BRD1: variants seen among roughly 807,000 people sequenced by gnomAD.
The protein encoded by BRD1 is bromodomain containing 1.
In BRD1, 24 loss-of-function variants were observed where a neutral mutation model predicts 107.7. The observed-to-expected ratio is 0.22, with a 90% CI of 0.16 to 0.31. The LOEUF (loss-of-function observed/expected upper bound fraction) is 0.31, where lower values mean the gene tolerates loss of function less well. BRD1 is among the 10% of genes least tolerant of loss of function. BRD1 has a pLI of 1.00. For missense variants in BRD1, 1,279 were observed against 1,638.6 expected, an observed-to-expected ratio of 0.78 and a Z score of 3.79; for synonymous variants, 744 against 686.1, an observed-to-expected ratio of 1.08 and a Z score of -1.32.
chr22:49,787,299 ACCCCC>A (rs138839), intron 8 of BRD1, 86 bp downstream of exon 8: 6 of 544,636 alleles, frequency 1.1e-5, no homozygotes, highest in Admixed American at 3.9e-5. Context: ...GAAGCTGGAC[ACCCCC>A]CCCCCCCCGT....
In BRD1 at chr22:49,797,940, G is replaced by C. The variant is rs776442812; in HGVS notation, c.1963C>G (p.Leu655Val). The C allele has an allele frequency of 2.5e-6, 4 of 1,614,078 alleles. No homozygotes were observed. Among genetic ancestry groups the C allele is most frequent in the Admixed American group, 1.7e-5 (1 of 60,006 alleles). The change falls in exon 6 of 13, where the codon CTG (leucine) becomes GTG (valine). Residue 655 changes from leucine to valine, a missense_variant. Leu to Val is a conservative substitution (Grantham distance 32). Coordinates refer to ENST00000404760, the MANE Select transcript of BRD1 (RefSeq NM_001304808.3). Reference sequence around the variant, plus strand: ...AGAACAACACCTCCCTGATCGCGCAGCCTCACCGCGGCTCTATAGAACACG... The same window carrying C: ...AGAACAACACCTCCCTGATCGCGCACCCTCACCGCGGCTCTATAGAACACG... ...DTVFYRAAVRLRDQGGVVLRQ... is the reference protein window; with the variant it reads ...DTVFYRAAVRVRDQGGVVLRQ...
chr22:49,818,711 C>A (rs537498976), intron 2 of BRD1, among the ~76,000 whole-genome samples: 2 of 152,210 alleles, frequency 1.3e-5, no homozygotes, highest in African/African-American at 4.8e-5. Context: ...CATGGTGAAA[C>A]CCCGTCTCTA....
chr22:49,827,833 G>A lies in BRD1; in HGVS notation c.-351C>T, dbSNP rs1203712240. 3.4e-5 allele frequency among the ~76,000 whole-genome samples: 5 copies of A among 146,106 alleles called. No homozygotes were observed. Among genetic ancestry groups the A allele is most frequent in the African/African-American group, 1.2e-4 (5 of 40,726 alleles). On this transcript the variant is annotated 5_prime_UTR_variant, in exon 1 of 13. Transcript: ENST00000404760. ...GACGCGGGGCTGGCTCGGACTCCAGGGCCGGGTCGCTCGCTCGCTCCCCAG... is the reference window on the plus strand; with the variant it reads ...GACGCGGGGCTGGCTCGGACTCCAGAGCCGGGTCGCTCGCTCGCTCCCCAG...
chr22:49,778,199 C>G (rs541064666), intron 8 of BRD1, among the ~76,000 whole-genome samples: 1 of 152,160 alleles, frequency 6.6e-6, no homozygotes, highest in Non-Finnish European at 1.5e-5. Context: ...ACGTGGGCAC[C>G]GGCCGCGTTT....
At chr22:49,780,405 C>T (rs754480652) in intron 8 of BRD1, among the ~76,000 whole-genome samples, 5 of 152,240 alleles carry the variant, frequency 3.3e-5, no homozygotes, top group Non-Finnish European at 5.9e-5. Flanking sequence ...AATGTGACAG[C>T]ACCCGGGAAG....
At chr22:49,794,405 T>C (rs1429737944) in intron 6 of BRD1, 111 bp from the exon 7 acceptor site, 1 of 1,421,668 alleles carries the variant, frequency 7.0e-7, no homozygotes, top group East Asian at 2.3e-5. Context: ...AGAGTGGCTG[T>C]TAGCAACGAG....
chr22:49,801,734 G>A (rs752806421), intron 3 of BRD1, among the ~76,000 whole-genome samples: 8 of 152,238 alleles, frequency 5.3e-5, no homozygotes, highest in African/African-American at 1.7e-4. Context: ...ACAACAGGAC[G>A]TGAGGCCTAA....
At chr22:49,826,546 G>C (rs1366094409) in intron 1 of BRD1, among the ~76,000 whole-genome samples, 1 of 152,232 alleles carries the variant, frequency 6.6e-6, no homozygotes, top group East Asian at 1.9e-4. Flanking sequence ...CCACAGGCGG[G>C]GAAGGCTGCC....
Position 49,798,236 on chromosome 22 carries a change from GCAGACGGTA to G in BRD1, c.1786-128_1786-120del, listed in dbSNP as rs1434891559. The G allele has an allele frequency of 1.8e-5, 20 of 1,089,206 alleles. No individual in the cohort carries two copies. In the East Asian group the frequency reaches 4.4e-4, roughly 24 times the overall value. 67.5% of individuals were successfully genotyped at this position (1,089,206 alleles called of 1,614,324 possible). A position where few individuals can be genotyped will look rare whatever the true frequency, so the allele number is the denominator to read the frequency against. On this transcript the variant is annotated intron_variant, in intron 5 of 12. Transcript: ENST00000404760. ...CTATCTGAGAGCCACACACAGACAC[GCAGACGGTA>G]CAGACATAAGACCCAAGTACTGCAG...
chr22:49,787,294 T>TGGGGGGGGGGGGGGGGGGGGGG, intron 8 of BRD1, 96 bp downstream of exon 8: 1 of 1,245,132 alleles, frequency 8.0e-7, no homozygotes, highest in African/African-American at 1.9e-5. Flanking sequence ...AAACAGAAGC[T>TGGGGGGGGGGGGGGGGGGGGGG]GGACACCCCC....
chr22:49,797,746 G>T, intron 6 of BRD1, 59 bp downstream of exon 6: 1 of 1,511,400 alleles, frequency 6.6e-7, no homozygotes, highest in South Asian at 1.3e-5. Context: ...CACAGAGCAG[G>T]ACAGAGTCTG....
rs751746487 is a variant in BRD1 at position 49,777,680 on chromosome 22, C to G, written c.2991G>C (p.Ser997=). The G allele has an allele frequency of 1.2e-5, 20 of 1,605,396 alleles. No individual in the cohort carries two copies. The East Asian group carries it at 2.5e-4, about 20-fold the overall frequency. Residue 997 remains serine (S), a splice_region_variant and synonymous_variant, in exon 9 of 13, where the codon TCG becomes TCC. Coordinates refer to ENST00000404760, the MANE Select transcript of BRD1 (RefSeq NM_001304808.3). The part of the protein sequence containing the change: ...ISSSNSPLCD[S]SFNAPKCGRG... ...AAGCGCAGGGCCGCGGTGCCCACCT[C>G]GAGTCGCAGAGCGGGCTGTTGCTGG...
intron 11 of BRD1, 72 bp from the exon 12 acceptor site, chr22:49,775,817 C>G: frequency 1.7e-6 from 2 of 1,205,028 alleles, no homozygotes; most frequent in African/African-American, 4.1e-5. Flanking sequence ...TCACTGGCAC[C>G]CCCCCCCGCC....
chr22:49,790,643 G>A (rs529102457), intron 7 of BRD1, among the ~76,000 whole-genome samples: 3 of 152,312 alleles, frequency 2.0e-5, no homozygotes, highest in South Asian at 2.1e-4. Context: ...TTTCTGTATC[G>A]AAGCCACAAG....
At chr22:49,785,153 A>G (rs924936943) in intron 8 of BRD1, among the ~76,000 whole-genome samples, 2 of 152,382 alleles carry the variant, frequency 1.3e-5, no homozygotes, top group Admixed American at 1.3e-4. Context: ...TACAAGGGAC[A>G]TCTGATGAAC....
intron 2 of BRD1, chr22:49,806,829 C>A (rs1601699214): frequency 1.3e-5 from 2 of 152,122 alleles, no homozygotes; most frequent in African/African-American, 4.8e-5. Context: ...GAAACCCCGT[C>A]GCTACTAAAA....
At chr22:49,826,211 A>G (rs1483559636) in intron 1 of BRD1, 2 of 985,308 alleles carry the variant, frequency 2.0e-6, no homozygotes, top group Middle Eastern at 5.2e-4. Flanking sequence ...CGCCCTAACG[A>G]CAAGCAGCCC....
Position 49,824,651 on chromosome 22 carries a change from G to A in BRD1, c.-14-320C>T. 8.7e-7 allele frequency: 1 copy of A among 1,147,808 alleles called. No individual in the cohort carries two copies. Among genetic ancestry groups the A allele is most frequent in the Non-Finnish European group, 1.1e-6 (1 of 928,408 alleles). The allele number at this position is 1,147,808 out of a possible 1,614,324, so 71.1% of individuals were successfully genotyped here. On this transcript the variant is annotated intron_variant, in intron 1 of 12. Coordinates refer to ENST00000404760, the MANE Select transcript of BRD1 (RefSeq NM_001304808.3). This position sits in a 1 kb window ranked among gnomAD's most constrained non-coding sequence, Gnocchi z 5.9. The stretch of plus-strand genomic sequence containing the variant: ...CGGAGACCACAGCAACGCTCCCCAA[G>A]GAGGAGGGGTCCGGCCCAGAGCCCA...
In BRD1 at chr22:49,793,465, G is replaced by A. The variant is rs535993411; in HGVS notation, c.2359+569C>T. On this transcript the variant is annotated intron_variant, in intron 7 of 12. Transcript: ENST00000404760. ...CCAGACATTCTTTGGCAACGATCAC[G>A]GCTGCTACCTACCAACTCTGCAGAG... Among the ~76,000 whole-genome samples, 90 of 152,274 alleles carry A rather than the reference G, an allele frequency of 5.9e-4. 1 individual carries two copies. The highest frequency in any genetic ancestry group is 1.9e-3 in the African/African-American group (80 of 41,562).
Sources: allele counts gnomAD v4.1 joint callset (sites outside exome capture counted in the v4.1 genomes callset), GRCh38; gene constraint gnomAD v4.1.1; non-coding constraint Gnocchi (gnomAD v3.1); transcripts MANE v1.5; gene names NCBI Gene and HGNC (gene_info 2026-07-23, HGNC 2026-07-21).